Variants in AGAP1 observed in about 807,000 individuals in gnomAD.
AGAP1 encodes the protein ArfGAP with GTPase domain, ankyrin repeat and PH domain 1, also known as arf-GAP with GTPase, ANK repeat and PH domain-containing protein 1.
AGAP1 carries 29 observed loss-of-function variants against 105.3 expected under a neutral mutation model. The ratio of observed to expected loss-of-function variants is 0.28; its 90% CI spans 0.21 to 0.38. AGAP1 has a LOEUF of 0.38. AGAP1 is among the 10% of genes least tolerant of loss of function. The pLI is 1.00. For synonymous variants in AGAP1, 509 were observed against 485.9 expected (o/e 1.05, Z -0.63); for missense variants, 998 against 1,165.1 (o/e 0.86, Z 2.09).
chr2:235,747,140 T>C lies in AGAP1; in HGVS notation c.538+2301T>C, dbSNP rs1953020099. Among the ~76,000 whole-genome samples, 1 of 152,062 alleles carries C rather than the reference T, an allele frequency of 6.6e-6. No homozygotes were observed. The highest frequency in any genetic ancestry group is 1.5e-5 in the Non-Finnish European group (1 of 68,020). ...ATCTGCGACCAGTGTTCCAGGGTCC[T>C]GCCTGGAATCCTGAACCCCACCCCC... On this transcript the variant is annotated intron_variant, in intron 5 of 17. Coordinates refer to ENST00000304032, the MANE Select transcript of AGAP1 (RefSeq NM_001037131.3). The surrounding 1 kb of genome is among the most constrained non-coding windows in gnomAD (Gnocchi z 5.0).
chr2:236,107,723 G>C (rs1400275854), intron 16 of AGAP1, among the ~76,000 whole-genome samples: 1 of 152,222 alleles, frequency 6.6e-6, no homozygotes, highest in East Asian at 1.9e-4. Flanking sequence ...GGGCAGTGCA[G>C]AATCAGGAAA....
In AGAP1 at chr2:235,830,419, G is replaced by A. The variant is rs1959220973; in HGVS notation, c.1050+23088G>A. 6.6e-6 allele frequency among the ~76,000 whole-genome samples: 1 copy of A among 152,200 alleles called. No individual in the cohort carries two copies. Among genetic ancestry groups the A allele is most frequent in the Non-Finnish European group, 1.5e-5 (1 of 68,044 alleles). ...ATCAAGGCCAGTGAATTTTCTGATT[G>A]CAGGCACTTCAAAGCCGTCAGTTCC... is the stretch of plus-strand genomic sequence containing the variant. On this transcript the variant is annotated intron_variant, in intron 9 of 17. Coordinates refer to ENST00000304032, the MANE Select transcript of AGAP1 (RefSeq NM_001037131.3). This position sits in a 1 kb window ranked among gnomAD's most constrained non-coding sequence, Gnocchi z 5.5.
At chr2:235,767,492 C>T (rs537029276) in intron 6 of AGAP1, among the ~76,000 whole-genome samples, 1 of 152,166 alleles carries the variant, frequency 6.6e-6, no homozygotes, top group Admixed American at 6.5e-5. Context: ...ATGACCTTAC[C>T]TTTATGCAGT....
Position 235,882,537 on chromosome 2 carries a change from A to C in AGAP1, c.1051-808A>C. ...ACCATCCGTGGCGGGCTCTTAGCTC[A>C]CTGCAACACTCTGCCTCCTGGGTTC... On this transcript the variant is annotated intron_variant, in intron 9 of 17. Transcript: ENST00000304032. This position sits in a 1 kb window ranked among gnomAD's most constrained non-coding sequence, Gnocchi z 4.6. 1 of 1,030,734 alleles carries C rather than the reference A, an allele frequency of 9.7e-7. No homozygotes were observed. The highest frequency in any genetic ancestry group is 1.4e-5 in the South Asian group (1 of 70,080). 63.8% of individuals were successfully genotyped at this position (1,030,734 alleles called of 1,614,324 possible).
At chr2:235,755,941 T>C (rs1202394908) in intron 6 of AGAP1, among the ~76,000 whole-genome samples, 1 of 152,168 alleles carries the variant, frequency 6.6e-6, no homozygotes, top group African/African-American at 2.4e-5. Flanking sequence ...AAAATAGTTA[T>C]AACTTAGTGA....
chr2:236,013,655 C>T (rs911175627), intron 13 of AGAP1, among the ~76,000 whole-genome samples: 1 of 152,148 alleles, frequency 6.6e-6, no homozygotes, highest in African/African-American at 2.4e-5. Context: ...TGGGAGCCTG[C>T]ACTGGTTTCT....
chr2:236,067,378 C>T (rs960165168), intron 16 of AGAP1, among the ~76,000 whole-genome samples: 21 of 152,136 alleles, frequency 1.4e-4, no homozygotes, highest in Non-Finnish European at 2.5e-4. Flanking sequence ...AAAATCACTA[C>T]GCTTTTAAAG....
chr2:236,116,646 G>A (rs999722076), intron 16 of AGAP1, among the ~76,000 whole-genome samples: 4 of 152,150 alleles, frequency 2.6e-5, no homozygotes, highest in African/African-American at 9.7e-5. Flanking sequence ...ACCACGGCCA[G>A]CCATGAGTAA....
In AGAP1 at chr2:236,124,410, C is replaced by T. The variant is rs375729517; in HGVS notation, c.*288C>T. 1.5e-5 allele frequency: 7 copies of T among 459,456 alleles called. No homozygotes were observed. The highest frequency in any genetic ancestry group is 4.1e-5 in the East Asian group (1 of 24,528). 28.5% of individuals were successfully genotyped at this position (459,456 alleles called of 1,614,324 possible). A position where few individuals can be genotyped will look rare whatever the true frequency, so the allele number is the denominator to read the frequency against. On this transcript the variant is annotated 3_prime_UTR_variant, in exon 18 of 18. Transcript: ENST00000304032. The surrounding 1 kb of genome is among the most constrained non-coding windows in gnomAD (Gnocchi z 5.1). ...TCGGCCCTTTGATGATAGCACATGG[C>T]GCAGGACCCTTGTCCTGGTGGCACA... is the stretch of plus-strand genomic sequence containing the variant.
intron 13 of AGAP1, among the ~76,000 whole-genome samples, chr2:236,028,714 T>C (rs1292076815): frequency 6.6e-6 from 1 of 152,206 alleles, no homozygotes; most frequent in Non-Finnish European, 1.5e-5. Context: ...TATTTTTGAC[T>C]TAATACACTG....
intron 1 of AGAP1, among the ~76,000 whole-genome samples, chr2:235,584,964 A>AC (rs199505390): frequency 1.8e-5 from 2 of 111,320 alleles, no homozygotes; most frequent in Non-Finnish European, 3.5e-5. Context: ...TTTAGGCGTC[A>AC]CCCCCCTACC....
intron 12 of AGAP1, among the ~76,000 whole-genome samples, chr2:235,945,337 C>A (rs1575845560): frequency 6.6e-6 from 1 of 152,152 alleles, no homozygotes; most frequent in African/African-American, 2.4e-5. Context: ...ATCTCCTGAC[C>A]TCGTGATCCA....
rs936123154 is a variant in AGAP1, at chr2:235,970,228, A to AT, written c.1645+1605_1645+1606insT. 1.4e-5 allele frequency among the ~76,000 whole-genome samples: 2 copies of AT among 140,032 alleles called. No individual in the cohort carries two copies. Among genetic ancestry groups the AT allele is most frequent in the Non-Finnish European group, 3.1e-5 (2 of 64,090 alleles). 91.9% of individuals were successfully genotyped at this position (140,032 alleles called of 152,430 possible). On this transcript the variant is annotated intron_variant, in intron 13 of 17. Transcript: ENST00000304032. This position sits in a 1 kb window ranked among gnomAD's most constrained non-coding sequence, Gnocchi z 5.4. ...CTTTAAAAAAAAAAAAAAAAAAAAA[A>AT]GACGATTTTTCTCATGTTGTGGGGA...
At chr2:235,892,769 A>G (rs73126495) in intron 10 of AGAP1, among the ~76,000 whole-genome samples, 88 of 152,198 alleles carry the variant, frequency 5.8e-4, no homozygotes, top group African/African-American at 2.0e-3. Flanking sequence ...TGGACCTCAG[A>G]CTTCTTGAGG....
intron 1 of AGAP1, among the ~76,000 whole-genome samples, chr2:235,564,455 T>C (rs926658683): frequency 2.0e-5 from 3 of 152,208 alleles, no homozygotes; most frequent in African/African-American, 7.2e-5. Context: ...GCAAATTCCA[T>C]GGAGCCATCT....
chr2:235,925,442 C>G (rs78087228), intron 11 of AGAP1, among the ~76,000 whole-genome samples: 2,918 of 152,232 alleles, frequency 0.019, 60 homozygotes, highest in South Asian at 0.092. Flanking sequence ...TCCAGAGGCT[C>G]TCTTTCCTGG....
At chr2:235,565,084 C>T (rs61574371) in intron 1 of AGAP1, among the ~76,000 whole-genome samples, 2 of 145,634 alleles carry the variant, frequency 1.4e-5, no homozygotes, top group East Asian at 2.1e-4. Context: ...CCACCACCCA[C>T]GGTCAGCTGT....
At chr2:235,807,201 G>A in intron 8 of AGAP1, 38 bp from the exon 9 acceptor site, 3 of 1,595,092 alleles carry the variant, frequency 1.9e-6, no homozygotes, top group Non-Finnish European at 2.6e-6. Flanking sequence ...GTGAACCACA[G>A]CCCTTACCCA....
chr2:236,050,723 A>T lies in AGAP1; in HGVS notation c.2114+1442A>T, dbSNP rs1359618597. The stretch of plus-strand genomic sequence containing the variant: ...ACATTGAAATAAGCTGGAAAAATCT[A>T]TGCATCTTACTGTTTATATGTAAAA... On this transcript the variant is annotated intron_variant, in intron 16 of 17. Coordinates refer to ENST00000304032, the MANE Select transcript of AGAP1 (RefSeq NM_001037131.3). The surrounding 1 kb of genome is among the most constrained non-coding windows in gnomAD (Gnocchi z 4.0). 6.6e-6 allele frequency among the ~76,000 whole-genome samples: 1 copy of T among 152,230 alleles called. No homozygotes were observed. The highest frequency in any genetic ancestry group is 1.5e-5 in the Non-Finnish European group (1 of 68,038).
Sources: gnomAD v4.1 joint callset for allele counts (sites outside exome capture counted in the v4.1 genomes callset) on GRCh38, gnomAD v4.1.1 for gene constraint, Gnocchi (gnomAD v3.1) non-coding constraint, MANE v1.5 for transcripts, NCBI Gene and HGNC (gene_info 2026-07-23, HGNC 2026-07-21) for gene names.